RANBP2: variants seen among roughly 807,000 people sequenced by gnomAD.
RANBP2 encodes E3 SUMO-protein ligase RanBP2.
Under a neutral mutation model 303.6 loss-of-function variants are expected in RANBP2, and 57 were observed. The observed-to-expected ratio is 0.19, with a 90% CI of 0.15 to 0.23. The LOEUF (loss-of-function observed/expected upper bound fraction) is 0.23, where lower values mean the gene tolerates loss of function less well. RANBP2 is among the 10% of genes least tolerant of loss of function. The pLI is 1.00. For missense variants in RANBP2, 3,138 were observed against 3,780.8 expected, an observed-to-expected ratio of 0.83 and a Z score of 4.46; for synonymous variants, 1,167 against 1,301.5, an observed-to-expected ratio of 0.90 and a Z score of 2.23.
At chr2:109,682,611 C>T in the RANBP2 span, among the ~76,000 whole-genome samples, 18 of 152,242 alleles carry the variant, frequency 1.2e-4, no homozygotes, top group African/African-American at 3.9e-4. Flanking sequence ...AAATTGTTCC[C>T]CAAGTACCTC....
At chr2:109,430,318 G>A in the RANBP2 span, among the ~76,000 whole-genome samples, 1 of 152,230 alleles carries the variant, frequency 6.6e-6, no homozygotes, top group Non-Finnish European at 1.5e-5. Context: ...ATTTCTCTGA[G>A]AGCAGGCACA....
chr2:109,459,198 TAAG>T, the RANBP2 span, among the ~76,000 whole-genome samples: 2 of 152,080 alleles, frequency 1.3e-5, no homozygotes, highest in Non-Finnish European at 2.9e-5. Flanking sequence ...CATGGTGAGA[TAAG>T]AGAGAGAAGA....
the RANBP2 span, among the ~76,000 whole-genome samples, chr2:108,899,210 A>G: frequency 6.6e-6 from 1 of 152,258 alleles, no homozygotes; most frequent in Non-Finnish European, 1.5e-5. Flanking sequence ...GAAAAGAATT[A>G]GAATGACAGT....
At chr2:108,996,734 G>C in the RANBP2 span, among the ~76,000 whole-genome samples, 1 of 152,090 alleles carries the variant, frequency 6.6e-6, no homozygotes, top group African/African-American at 2.4e-5. Flanking sequence ...CAGGAACCCT[G>C]AAGTCTCGGT....
At chr2:109,430,194 C>T in the RANBP2 span, among the ~76,000 whole-genome samples, 12 of 152,238 alleles carry the variant, frequency 7.9e-5, no homozygotes, top group Non-Finnish European at 1.2e-4. Flanking sequence ...TACTGTTGCC[C>T]ATGGCCAGGA....
the RANBP2 span, among the ~76,000 whole-genome samples, chr2:109,080,434 T>C: frequency 6.6e-6 from 1 of 152,146 alleles, no homozygotes; most frequent in Non-Finnish European, 1.5e-5. Flanking sequence ...AATAAGTTGA[T>C]GCCTGTTCCG....
chr2:109,003,341 C>G, the RANBP2 span, among the ~76,000 whole-genome samples: 1 of 151,980 alleles, frequency 6.6e-6, no homozygotes, highest in Non-Finnish European at 1.5e-5. Context: ...ACATAGTAGG[C>G]CCTCAATACA....
At chr2:109,143,991 C>T in the RANBP2 span, among the ~76,000 whole-genome samples, 2 of 152,156 alleles carry the variant, frequency 1.3e-5, no homozygotes, top group African/African-American at 4.8e-5. Context: ...TATCCGGAAT[C>T]TAAAAACACT....
the RANBP2 span, among the ~76,000 whole-genome samples, chr2:109,322,817 AATCTCCCCAC>A: frequency 6.6e-6 from 1 of 152,240 alleles, no homozygotes; most frequent in Non-Finnish European, 1.5e-5. Context: ...GGTGCCTGCA[AATCTCCCCAC>A]ATCAGGATAT....
At chr2:109,616,265 G>C in the RANBP2 span, 94 of 773,236 alleles carry the variant, frequency 1.2e-4, 1 homozygote, top group East Asian at 3.2e-3. Flanking sequence ...ATCATACCTT[G>C]ACCTGTACCT....
At chr2:108,876,038 TA>T in the RANBP2 span, 1 of 1,233,234 alleles carries the variant, frequency 8.1e-7, no homozygotes, top group Non-Finnish European at 1.2e-6. Flanking sequence ...TCATTGCAGA[TA>T]AACTCTCTAA....
the RANBP2 span, among the ~76,000 whole-genome samples, chr2:109,272,192 C>T: frequency 2.6e-5 from 4 of 152,232 alleles, no homozygotes; most frequent in Non-Finnish European, 5.9e-5. Context: ...CCCCCACAGC[C>T]CTCTGCAATG....
chr2:109,325,750 A>G, the RANBP2 span, among the ~76,000 whole-genome samples: 129,470 of 152,168 alleles, frequency 0.85, 55,617 homozygotes, highest in African/African-American at 0.95. Context: ...TGCAGACTCT[A>G]CCAGCCTGGA....
the RANBP2 span, chr2:109,432,481 G>T: frequency 2.5e-6 from 4 of 1,612,138 alleles, no homozygotes; most frequent in South Asian, 2.2e-5. Context: ...ACTGACACTG[G>T]CCCCATGCTT....
chr2:108,863,252 C>G, the RANBP2 span, among the ~76,000 whole-genome samples: 4 of 152,128 alleles, frequency 2.6e-5, no homozygotes, highest in Non-Finnish European at 5.9e-5. Flanking sequence ...ATTATAGATG[C>G]AATATTTCTA....
chr2:109,567,753 C>CT, the RANBP2 span: 1 of 1,454,534 alleles, frequency 6.9e-7, no homozygotes, highest in East Asian at 2.4e-5. Context: ...AGCAATATTA[C>CT]TCACAAATTA....
At chr2:109,705,905 C>T in the RANBP2 span, among the ~76,000 whole-genome samples, 1 of 152,148 alleles carries the variant, frequency 6.6e-6, no homozygotes, top group African/African-American at 2.4e-5. Flanking sequence ...CTCAGCCCCC[C>T]ACAAAAAATA....
chr2:109,567,698 C>G, the RANBP2 span: 20 of 1,049,760 alleles, frequency 1.9e-5, no homozygotes, highest in Middle Eastern at 6.7e-4. Context: ...GAAAATTCAC[C>G]TTGTTTGAAG....
chr2:109,606,384 C>T, the RANBP2 span, among the ~76,000 whole-genome samples: 1 of 151,992 alleles, frequency 6.6e-6, no homozygotes, highest in Non-Finnish European at 1.5e-5. Context: ...CACTGCATTC[C>T]AGTCTGGCGA....
Sources: gnomAD v4.1 joint callset for allele counts (sites outside exome capture counted in the v4.1 genomes callset) on GRCh38, gnomAD v4.1.1 for gene constraint, MANE v1.5 for transcripts, NCBI Gene and HGNC (gene_info 2026-07-23, HGNC 2026-07-21) for gene names.